SGIP1: variants seen among roughly 807,000 people sequenced by gnomAD.
The protein encoded by SGIP1 is SH3-containing GRB2-like protein 3-interacting protein 1.
In SGIP1, 38 loss-of-function variants were observed where a neutral mutation model predicts 107.5. The observed-to-expected ratio is 0.35, with a 90% CI of 0.27 to 0.46. The LOEUF is 0.46. Among genes scored for constraint, SGIP1 ranks in the 20% least tolerant of loss-of-function variants. SGIP1 has a pLI of 1.00. For missense variants in SGIP1, 929 were observed against 1,019.5 expected (o/e 0.91, Z 1.21); for synonymous variants, 365 against 366.1 (o/e 1.00, Z 0.03).
rs553496689 is a variant in SGIP1, at chr1:66,650,803, A to G, written c.459+7084A>G. Among the ~76,000 whole-genome samples the G allele has an allele frequency of 2.0e-5, 3 of 152,042 alleles. No homozygotes were observed. The South Asian group carries it at 6.2e-4, about 32-fold the overall frequency. ...ATAATGTGCTCCCATGGATTCCTTTATTTTTGTTTTTCAGAGAGCCAATAA... is the reference window on the plus strand; with the variant it reads ...ATAATGTGCTCCCATGGATTCCTTTGTTTTTGTTTTTCAGAGAGCCAATAA... On this transcript the variant is annotated intron_variant, in intron 7 of 24. Transcript: ENST00000371037.
At chr1:66,594,453 G>A (rs1379690656) in intron 1 of SGIP1, among the ~76,000 whole-genome samples, 1 of 152,058 alleles carries the variant, frequency 6.6e-6, no homozygotes, top group African/African-American at 2.4e-5. Flanking sequence ...AGAAGAGTGT[G>A]GTTTAGGAAG....
intron 1 of SGIP1, among the ~76,000 whole-genome samples, chr1:66,613,649 C>T (rs887172814): frequency 6.6e-6 from 1 of 152,140 alleles, no homozygotes; most frequent in Non-Finnish European, 1.5e-5. Flanking sequence ...AGGTCTTTAA[C>T]CTGACTTTCT....
chr1:66,631,649 A>C (rs1011537347), intron 2 of SGIP1, among the ~76,000 whole-genome samples: 1 of 146,344 alleles, frequency 6.8e-6, no homozygotes, highest in Admixed American at 6.7e-5. Context: ...AACTCTCTGC[A>C]TTGCTCTCTC....
intron 1 of SGIP1, among the ~76,000 whole-genome samples, chr1:66,558,940 G>A (rs2058558745): frequency 6.6e-6 from 1 of 152,028 alleles, no homozygotes; most frequent in Non-Finnish European, 1.5e-5. Flanking sequence ...AAAATTTTAA[G>A]AGGAGGGAAC....
In SGIP1 at chr1:66,559,463, G is replaced by A. The variant is rs75112161; in HGVS notation, c.10+25095G>A. 5.6e-3 allele frequency among the ~76,000 whole-genome samples: 847 copies of A among 152,122 alleles called. 6 individuals are homozygous for A. Among genetic ancestry groups the A allele is most frequent in the African/African-American group, 0.019 (791 of 41,532 alleles). ...TATGACTTAGAATGTTTAGTGCTTC[G>A]AGGAAGAGAAAACTCTAACTCAAAC... On this transcript the variant is annotated intron_variant, in intron 1 of 24. Coordinates refer to ENST00000371037, the MANE Select transcript of SGIP1 (RefSeq NM_032291.4).
At chr1:66,704,414 T>C (rs2092308768) in intron 18 of SGIP1, 2 of 152,282 alleles carry the variant, frequency 1.3e-5, no homozygotes, top group Non-Finnish European at 2.9e-5. Flanking sequence ...ATGGTCTGCC[T>C]GCCAGTGTAC....
At chr1:66,704,824 G>A (rs747151176) in intron 18 of SGIP1, 9 of 152,124 alleles carry the variant, frequency 5.9e-5, no homozygotes, top group Admixed American at 3.9e-4. Context: ...TCCTTTTTAT[G>A]TGTCTGCTGT....
intron 18 of SGIP1, 68 bp from the exon 19 acceptor site, chr1:66,719,226 T>C (rs1292458149): frequency 1.9e-6 from 2 of 1,056,788 alleles, no homozygotes; most frequent in Non-Finnish European, 1.4e-6. Flanking sequence ...TTTAATGGGC[T>C]TTTAATTTCA....
At chr1:66,645,086 A>G (rs2077434590) in intron 7 of SGIP1, among the ~76,000 whole-genome samples, 1 of 152,230 alleles carries the variant, frequency 6.6e-6, no homozygotes, top group Non-Finnish European at 1.5e-5. Context: ...AAACCAGTTT[A>G]CAGCCATGTC....
At chr1:66,701,636 C>G (rs749680315) in intron 18 of SGIP1, among the ~76,000 whole-genome samples, 1 of 152,116 alleles carries the variant, frequency 6.6e-6, no homozygotes, top group African/African-American at 2.4e-5. Flanking sequence ...GCAGTTCTGC[C>G]GAGGATTTCA....
At chr1:66,636,095 AAC>A (rs149719377) in intron 4 of SGIP1, 80 bp downstream of exon 4, 99,113 of 1,357,832 alleles carry the variant, frequency 0.073, 4,239 homozygotes, top group South Asian at 0.081. Context: ...AAATTTGGAA[AAC>A]ACAGTAGTTT....
intron 21 of SGIP1, among the ~76,000 whole-genome samples, chr1:66,735,909 C>T (rs971836362): frequency 1.3e-5 from 2 of 151,168 alleles, no homozygotes; most frequent in Admixed American, 6.6e-5. Flanking sequence ...TCATTTACCA[C>T]GTTTTTAATG....
chr1:66,555,574 G>T (rs1027471032), intron 1 of SGIP1, among the ~76,000 whole-genome samples: 5 of 152,078 alleles, frequency 3.3e-5, no homozygotes, highest in Non-Finnish European at 7.4e-5. Flanking sequence ...TTTCCACAAA[G>T]GTTTCCCTGA....
intron 21 of SGIP1, 63 bp from the exon 22 acceptor site, chr1:66,739,272 T>C (rs2094369698): frequency 1.9e-6 from 3 of 1,545,646 alleles, no homozygotes; most frequent in Non-Finnish European, 2.6e-6. Flanking sequence ...ATATGACATT[T>C]TGTTTGATGT....
intron 7 of SGIP1, among the ~76,000 whole-genome samples, chr1:66,645,445 G>T (rs948690659): frequency 2.0e-5 from 3 of 152,138 alleles, no homozygotes; most frequent in African/African-American, 7.2e-5. Context: ...GACATGATGT[G>T]GTTAAGATTC....
chr1:66,682,400 G>A, intron 15 of SGIP1, 31 bp downstream of exon 15: 1 of 1,576,828 alleles, frequency 6.3e-7, no homozygotes, highest in African/African-American at 1.4e-5. Flanking sequence ...TGCTTCTTGT[G>A]ACGGGGAATG....
At chr1:66,585,569 T>TG (rs1167405032) in intron 1 of SGIP1, among the ~76,000 whole-genome samples, 2 of 134,692 alleles carry the variant, frequency 1.5e-5, no homozygotes, top group Non-Finnish European at 3.2e-5. Context: ...AGCTTTGGAG[T>TG]TTGTGTGTGT....
At chr1:66,627,704 AT>A in intron 2 of SGIP1, among the ~76,000 whole-genome samples, 1 of 152,160 alleles carries the variant, frequency 6.6e-6, no homozygotes, top group South Asian at 2.1e-4. Context: ...AGTTAGCAAT[AT>A]TTTTCTGAGG....
intron 1 of SGIP1, among the ~76,000 whole-genome samples, chr1:66,553,432 T>C (rs2057726987): frequency 6.6e-6 from 1 of 152,016 alleles, no homozygotes; most frequent in Non-Finnish European, 1.5e-5. Flanking sequence ...TCCCAGCACT[T>C]TGGGAGGCCA....
Sources: allele counts gnomAD v4.1 joint callset (sites outside exome capture counted in the v4.1 genomes callset), GRCh38; gene constraint gnomAD v4.1.1; transcripts MANE v1.5; gene names NCBI Gene and HGNC (gene_info 2026-07-23, HGNC 2026-07-21).